Variants in LPAR3 observed in about 807,000 individuals in gnomAD.
The protein encoded by LPAR3 is LPA receptor 3.
LPAR3 carries 7 observed loss-of-function variants against 17.8 expected under a neutral mutation model. That is an observed-to-expected ratio of 0.39 (90% CI 0.22 to 0.74). The LOEUF (loss-of-function observed/expected upper bound fraction) is 0.74. Among genes scored for constraint, LPAR3 ranks in the 30% least tolerant of loss-of-function variants. The pLI, the probability that LPAR3 is intolerant of heterozygous loss-of-function variation, is 0.40. For missense variants in LPAR3, 391 were observed against 453.4 expected (o/e 0.86, Z 1.25); for synonymous variants, 179 against 179.9 (o/e 0.99, Z 0.04).
intron 2 of LPAR3, among the ~76,000 whole-genome samples, chr1:84,861,610 G>A (rs1384488184): frequency 2.6e-5 from 4 of 152,192 alleles, no homozygotes; most frequent in African/African-American, 7.2e-5. Context: ...AGAATTGGGG[G>A]TAAAACCCAA....
chr1:84,870,883 C>A (rs549836846), intron 1 of LPAR3, among the ~76,000 whole-genome samples: 8 of 152,116 alleles, frequency 5.3e-5, no homozygotes, highest in South Asian at 2.1e-4. Context: ...TTTATACTTA[C>A]AAGAGTTACA....
chr1:84,890,460 A>ACCC (rs1660532566), intron 1 of LPAR3, among the ~76,000 whole-genome samples: 1 of 152,224 alleles, frequency 6.6e-6, no homozygotes, highest in Admixed American at 6.5e-5. Flanking sequence ...TTTCTCTTTT[A>ACCC]ATCTTGGGAG....
At chr1:84,826,834 C>G (rs906567361) in intron 2 of LPAR3, among the ~76,000 whole-genome samples, 7 of 152,146 alleles carry the variant, frequency 4.6e-5, no homozygotes, top group African/African-American at 1.7e-4. Context: ...TTTTATTGTT[C>G]TCTTAATTTT....
chr1:84,827,708 G>A (rs991344875), intron 2 of LPAR3, among the ~76,000 whole-genome samples: 1 of 152,098 alleles, frequency 6.6e-6, no homozygotes, highest in Non-Finnish European at 1.5e-5. Context: ...GACCGCATCT[G>A]GTAAGAACTG....
intron 2 of LPAR3, among the ~76,000 whole-genome samples, chr1:84,815,355 C>T (rs775621156): frequency 6.6e-6 from 1 of 152,110 alleles, no homozygotes; most frequent in Non-Finnish European, 1.5e-5. Flanking sequence ...TAACAATGTG[C>T]CAGGAGCTGT....
intron 1 of LPAR3, among the ~76,000 whole-genome samples, chr1:84,879,404 C>T (rs900051653): frequency 1.3e-5 from 2 of 150,160 alleles, no homozygotes; most frequent in Non-Finnish European, 2.9e-5. Context: ...CTCTGCCTCC[C>T]AGGTTCATGC....
chr1:84,856,699 C>T (rs920918729), intron 2 of LPAR3, among the ~76,000 whole-genome samples: 1 of 152,074 alleles, frequency 6.6e-6, no homozygotes, highest in African/African-American at 2.4e-5. Context: ...TAGCAGCTGA[C>T]GAACTAGCTA....
chr1:84,853,834 G>T (rs538070943), intron 2 of LPAR3, among the ~76,000 whole-genome samples: 2 of 152,244 alleles, frequency 1.3e-5, no homozygotes, highest in South Asian at 4.1e-4. Flanking sequence ...ATCCTACATG[G>T]GCTCTTTCTT....
At position 84,865,483 on chromosome 1, in the gene LPAR3, A is replaced by C; in HGVS notation, c.638T>G (p.Val213Gly). ...AGACAAGACGTTGGTTTTCCTCTTG[A>C]CGTACACGTAGATCCGCAGGTACAC... ...VVVYLRIYVY[V>G]KRKTNVLSPH... Residue 213 changes from valine (V) to glycine (G), a missense_variant, in exon 2 of 3, where the codon GTC becomes GGC. Coordinates refer to ENST00000370611, the MANE Select transcript of LPAR3 (RefSeq NM_012152.3). 1 of 1,614,090 alleles carries C rather than the reference A, an allele frequency of 6.2e-7. No homozygotes were observed. Among genetic ancestry groups the C allele is most frequent in the Non-Finnish European group, 8.5e-7 (1 of 1,180,034 alleles).
At chr1:84,888,432 G>A (rs1660498243) in intron 1 of LPAR3, among the ~76,000 whole-genome samples, 1 of 152,156 alleles carries the variant, frequency 6.6e-6, no homozygotes, top group South Asian at 2.1e-4. Context: ...TTGATCCCTT[G>A]CTTTGGTTTT....
At chr1:84,853,289 C>A (rs1335651608) in intron 2 of LPAR3, among the ~76,000 whole-genome samples, 1 of 151,994 alleles carries the variant, frequency 6.6e-6, no homozygotes, top group African/African-American at 2.4e-5. Flanking sequence ...AGGAATGAGC[C>A]CTAGTGAAAA....
At chr1:84,869,321 G>A (rs1019433797) in intron 1 of LPAR3, among the ~76,000 whole-genome samples, 2 of 152,138 alleles carry the variant, frequency 1.3e-5, no homozygotes, top group Non-Finnish European at 2.9e-5. Flanking sequence ...GTCTGACAAA[G>A]TTGAGACATC....
At chr1:84,852,589 T>C (rs1313937913) in intron 2 of LPAR3, among the ~76,000 whole-genome samples, 2 of 151,940 alleles carry the variant, frequency 1.3e-5, no homozygotes, top group African/African-American at 4.8e-5. Context: ...GAAACAGAGA[T>C]TGGGATCTCC....
At chr1:84,852,566 G>A (rs1012648124) in intron 2 of LPAR3, among the ~76,000 whole-genome samples, 5 of 152,150 alleles carry the variant, frequency 3.3e-5, no homozygotes, top group East Asian at 1.9e-4. Flanking sequence ...AGGTGTGCAC[G>A]TGACAGCAGC....
At chr1:84,862,484 T>C (rs1659959085) in intron 2 of LPAR3, among the ~76,000 whole-genome samples, 2 of 152,232 alleles carry the variant, frequency 1.3e-5, no homozygotes, top group South Asian at 4.1e-4. Context: ...ATCTGGTAAA[T>C]GGGTATAATA....
In LPAR3 at chr1:84,840,211, C is replaced by T. The variant is rs115379801; in HGVS notation, c.736+25174G>A. On this transcript the variant is annotated intron_variant, in intron 2 of 2. Coordinates refer to ENST00000370611, the MANE Select transcript of LPAR3 (RefSeq NM_012152.3). ...AAGTGTTGGAATTACATGTATGAGC[C>T]GCCATGCCTGACCAGTGCTTGCTTT... 8.9e-3 allele frequency among the ~76,000 whole-genome samples: 1,351 copies of T among 152,310 alleles called. 6 individuals carry two copies. The highest frequency in any genetic ancestry group is 0.013 in the Non-Finnish European group (917 of 68,034).
rs543770918 is a variant in LPAR3 at position 84,843,213 on chromosome 1, T to A, written c.736+22172A>T. 4.7e-3 allele frequency among the ~76,000 whole-genome samples: 715 copies of A among 152,370 alleles called. 5 individuals carry two copies. The highest frequency in any genetic ancestry group is 0.014 in the South Asian group (70 of 4,830). ...ATTTAAAACTCCATTTCTTCTTTTGTTCCTGTCCTCTTTTGCCCTCCACAC... is the reference window on the plus strand; with the variant it reads ...ATTTAAAACTCCATTTCTTCTTTTGATCCTGTCCTCTTTTGCCCTCCACAC... On this transcript the variant is annotated intron_variant, in intron 2 of 2. Transcript: ENST00000370611.
intron 2 of LPAR3, among the ~76,000 whole-genome samples, chr1:84,825,128 G>A (rs1334345867): frequency 2.0e-5 from 3 of 152,180 alleles, no homozygotes; most frequent in African/African-American, 4.8e-5. Flanking sequence ...ACATTTGATG[G>A]TTGTGGGGTT....
chr1:84,836,204 G>A (rs897967685), intron 2 of LPAR3, among the ~76,000 whole-genome samples: 1 of 151,354 alleles, frequency 6.6e-6, no homozygotes, highest in Admixed American at 6.6e-5. Context: ...TGGGCATGGT[G>A]GCACACGCCT....
Sources: allele counts gnomAD v4.1 joint callset (sites outside exome capture counted in the v4.1 genomes callset), GRCh38; gene constraint gnomAD v4.1.1; transcripts MANE v1.5; gene names NCBI Gene and HGNC (gene_info 2026-07-23, HGNC 2026-07-21).